Variants in NDUFAF2 observed in about 807,000 individuals in gnomAD.
NDUFAF2 encodes the protein NADH:ubiquinone oxidoreductase complex assembly factor 2, also known as NADH dehydrogenase [ubiquinone] 1 alpha subcomplex assembly factor 2.
A neutral mutation model predicts 22.8 loss-of-function variants in NDUFAF2; 13 were observed. The observed-to-expected ratio is 0.57, with a 90% CI of 0.37 to 0.91. NDUFAF2 has a LOEUF of 0.91. NDUFAF2 is among the 40% of genes least tolerant of loss of function. NDUFAF2 has a pLI of 0.01. For missense variants in NDUFAF2, 162 were observed against 195.2 expected (o/e 0.83, Z 1.01); for synonymous variants, 53 against 64.2 (o/e 0.83, Z 0.84).
chr5:60,967,852 T>A (rs1750778193), intron 1 of NDUFAF2, among the ~76,000 whole-genome samples: 1 of 150,788 alleles, frequency 6.6e-6, no homozygotes, highest in Non-Finnish European at 1.5e-5. Context: ...AATGCTGGCA[T>A]TATGAAATGA....
At chr5:60,990,964 C>T (rs890496567) in intron 1 of NDUFAF2, among the ~76,000 whole-genome samples, 1 of 152,176 alleles carries the variant, frequency 6.6e-6, no homozygotes, top group East Asian at 1.9e-4. Flanking sequence ...CCTACGAACT[C>T]AGGCTGTATT....
intron 1 of NDUFAF2, among the ~76,000 whole-genome samples, chr5:61,039,109 A>G (rs1751838611): frequency 6.8e-6 from 1 of 147,884 alleles, no homozygotes; most frequent in African/African-American, 2.5e-5. Flanking sequence ...TGTGACAGTA[A>G]TTGGTAGAAA....
intron 2 of NDUFAF2, among the ~76,000 whole-genome samples, chr5:61,084,699 C>A (rs1752485576): frequency 6.6e-6 from 1 of 152,096 alleles, no homozygotes. Flanking sequence ...TATATAGATA[C>A]CACATGTTGT....
intron 2 of NDUFAF2, among the ~76,000 whole-genome samples, chr5:61,098,673 A>G (rs1752672188): frequency 6.6e-6 from 1 of 152,232 alleles, no homozygotes; most frequent in Admixed American, 6.5e-5. Flanking sequence ...TATGCCATAA[A>G]TATACCCAGT....
intron 1 of NDUFAF2, among the ~76,000 whole-genome samples, chr5:60,971,529 C>T (rs1477787324): frequency 3.3e-5 from 5 of 152,036 alleles, no homozygotes; most frequent in East Asian, 2.0e-4. Context: ...CCTCGTGATC[C>T]GCCCGCCTCG....
At chr5:61,098,918 A>G (rs1752674442) in intron 2 of NDUFAF2, 74 bp from the exon 3 acceptor site, 3 of 1,263,630 alleles carry the variant, frequency 2.4e-6, no homozygotes, top group East Asian at 4.8e-5. Flanking sequence ...GTACTCAAAA[A>G]AATTTGTTTT....
intron 2 of NDUFAF2, among the ~76,000 whole-genome samples, chr5:61,090,778 A>G (rs1752556819): frequency 6.6e-6 from 1 of 152,030 alleles, no homozygotes. Context: ...AGATTATTTA[A>G]TCACCCAAGT....
intron 1 of NDUFAF2, among the ~76,000 whole-genome samples, chr5:60,977,906 G>A (rs1750924085): frequency 6.6e-6 from 1 of 151,616 alleles, no homozygotes; most frequent in African/African-American, 2.4e-5. Flanking sequence ...ACACCAGATT[G>A]AACAACTATG....
rs539683039 is a variant in NDUFAF2 at position 61,075,351 on chromosome 5, A to G, written c.217+2137A>G. 7.9e-5 allele frequency among the ~76,000 whole-genome samples: 12 copies of G among 152,228 alleles called. No homozygotes were observed. In the South Asian group the frequency reaches 2.5e-3, roughly 32 times the overall value. On this transcript the variant is annotated intron_variant, in intron 2 of 3. Coordinates refer to ENST00000296597, the MANE Select transcript of NDUFAF2 (RefSeq NM_174889.5). The stretch of plus-strand genomic sequence containing the variant: ...TAGAACTATGAGGAAAAAAAAAACC[A>G]TAAAAATAAGTAGATACCAAAGGTT...
At chr5:61,011,757 G>A (rs1751445212) in intron 1 of NDUFAF2, among the ~76,000 whole-genome samples, 1 of 151,984 alleles carries the variant, frequency 6.6e-6, no homozygotes, top group African/African-American at 2.4e-5. Context: ...GTCTTCCCTG[G>A]CAGGTTGTAG....
chr5:61,122,655 T>G (rs1752990179), intron 3 of NDUFAF2, among the ~76,000 whole-genome samples: 1 of 152,196 alleles, frequency 6.6e-6, no homozygotes, highest in African/African-American at 2.4e-5. Context: ...CATCATAATA[T>G]TCAGGACAAT....
At chr5:61,139,781 C>T (rs1741022803) in intron 3 of NDUFAF2, among the ~76,000 whole-genome samples, 1 of 152,218 alleles carries the variant, frequency 6.6e-6, no homozygotes, top group Admixed American at 6.5e-5. Context: ...TTCCTGTTTG[C>T]CTGCCCTTTC....
chr5:60,993,618 C>T (rs1048571098), intron 1 of NDUFAF2, among the ~76,000 whole-genome samples: 2 of 151,994 alleles, frequency 1.3e-5, no homozygotes, highest in African/African-American at 2.4e-5. Context: ...GATAGGAGGC[C>T]CTGGAGTGGG....
intron 1 of NDUFAF2, among the ~76,000 whole-genome samples, chr5:61,057,950 A>G (rs1752119144): frequency 6.6e-6 from 1 of 152,204 alleles, no homozygotes; most frequent in South Asian, 2.1e-4. Context: ...TAATAAATAT[A>G]ATTTTTTAAA....
intron 1 of NDUFAF2, among the ~76,000 whole-genome samples, chr5:60,976,058 G>T (rs1048879255): frequency 2.6e-5 from 4 of 152,148 alleles, no homozygotes; most frequent in African/African-American, 9.6e-5. Flanking sequence ...TGTTTTAAAA[G>T]AACTGCTAAT....
At chr5:60,981,540 T>A (rs2112578797) in intron 1 of NDUFAF2, among the ~76,000 whole-genome samples, 1 of 152,270 alleles carries the variant, frequency 6.6e-6, no homozygotes, top group Non-Finnish European at 1.5e-5. Flanking sequence ...AAGAATACTG[T>A]CACACTGAAG....
chr5:61,115,217 C>T (rs1330771854), intron 3 of NDUFAF2: 1 of 152,436 alleles, frequency 6.6e-6, no homozygotes, highest in Non-Finnish European at 1.5e-5. Flanking sequence ...CGAGTACTGC[C>T]AGGCTACTGC....
intron 3 of NDUFAF2, among the ~76,000 whole-genome samples, chr5:61,109,701 A>G (rs1394336924): frequency 2.6e-5 from 4 of 152,128 alleles, no homozygotes; most frequent in Non-Finnish European, 4.4e-5. Flanking sequence ...TAGTGAGTAA[A>G]TTCTCATGAG....
At chr5:61,028,896 G>T (rs1290696917) in intron 1 of NDUFAF2, among the ~76,000 whole-genome samples, 1 of 151,924 alleles carries the variant, frequency 6.6e-6, no homozygotes, top group Non-Finnish European at 1.5e-5. Context: ...ATCTCTGACG[G>T]TTTTTAATCC....
Sources: gnomAD v4.1 joint callset for allele counts (sites outside exome capture counted in the v4.1 genomes callset) on GRCh38, gnomAD v4.1.1 for gene constraint, MANE v1.5 for transcripts, NCBI Gene and HGNC (gene_info 2026-07-23, HGNC 2026-07-21) for gene names.